Variants in MAZ observed in about 807,000 individuals in gnomAD.
MAZ encodes the protein MYC associated zinc finger protein, also known as myc-associated zinc finger protein.
Under a neutral mutation model 32.7 loss-of-function variants are expected in MAZ, and 4 were observed. That is an observed-to-expected ratio of 0.12 (90% CI 0.06 to 0.28). The LOEUF is 0.28. MAZ is among the 10% of genes least tolerant of loss of function. The probability of loss-of-function intolerance (pLI) is 1.00; values close to 1 mark genes in which losing one functional copy is unlikely to be tolerated. For synonymous variants in MAZ, 510 were observed against 297.6 expected, an observed-to-expected ratio of 1.71 and a Z score of -7.35; for missense variants, 763 against 667.2, an observed-to-expected ratio of 1.14 and a Z score of -1.58.
Position 29,810,123 on chromosome 16 carries a change from A to AGCG in MAZ, c.1329_1331dup (p.Ala448dup), listed in dbSNP as rs1899841433. 6 of 1,603,524 alleles carry AGCG rather than the reference A, an allele frequency of 3.7e-6. No individual in the cohort carries two copies. The highest frequency in any genetic ancestry group is 1.4e-5 in the African/African-American group (1 of 73,766). ...TGGCGGCGGCAGCGGCAGCGGCGGC[A>AGCG]GCGGCAGCAGCGGCAGCAGTAGCAG... On this transcript the variant is annotated inframe_insertion, in exon 5 of 5. Transcript: ENST00000322945.
rs1335663442 is a variant in MAZ, at chr16:29,810,963, C to A, written c.*732C>A. On this transcript the variant is annotated 3_prime_UTR_variant, in exon 5 of 5. Transcript: ENST00000322945. ...AGGGCCTAGAGGTGCTTCCTGGGGG[C>A]GGGGGAATGCAGCCAGTGTCCCCCT... 1 of 417,232 alleles carries A rather than the reference C, an allele frequency of 2.4e-6. No homozygotes were observed. The highest frequency in any genetic ancestry group is 4.8e-6 in the Non-Finnish European group (1 of 206,960). The allele number at this position is 417,232 out of a possible 1,614,324, so 25.8% of individuals were successfully genotyped here.
Position 29,810,716 on chromosome 16 carries a change from G to A in MAZ, c.*485G>A. ...GAGAGGAAGGAGGGGGATCAGAGCT[G>A]TCCCAAAGAGGGAAAGCGGTGAGGT... On this transcript the variant is annotated 3_prime_UTR_variant, in exon 5 of 5. Coordinates refer to ENST00000322945, the MANE Select transcript of MAZ (RefSeq NM_002383.4). The A allele has an allele frequency of 2.3e-6, 1 of 428,450 alleles. No homozygotes were observed. The highest frequency in any genetic ancestry group is 4.3e-6 in the Non-Finnish European group (1 of 230,852). The allele number at this position is 428,450 out of a possible 1,614,324, so 26.5% of individuals were successfully genotyped here. A position where few individuals can be genotyped will look rare whatever the true frequency, so the allele number is the denominator to read the frequency against.
chr16:29,810,334 C>G lies in MAZ; in HGVS notation c.*103C>G, dbSNP rs1268275170. ...CACCAACTCCTATTTCCCTACCAAC[C>G]AAGGAGCCTCCAGAAGGAAAGGAGG... On this transcript the variant is annotated 3_prime_UTR_variant, in exon 5 of 5. Transcript: ENST00000322945. 8.5e-7 allele frequency: 1 copy of G among 1,175,396 alleles called. No individual in the cohort carries two copies. The highest frequency in any genetic ancestry group is 1.2e-6 in the Non-Finnish European group (1 of 811,848). The allele number at this position is 1,175,396 out of a possible 1,614,324, so 72.8% of individuals were successfully genotyped here.
upstream of MAZ, chr16:29,806,139 TCC>T: frequency 1.1e-6 from 1 of 877,764 alleles, no homozygotes; most frequent in Non-Finnish European, 1.5e-6. Flanking sequence ...CCTCCCTCCC[TCC>T]GCCATGGATC....
In MAZ at chr16:29,810,475, G is replaced by C. The variant is rs1475218783; in HGVS notation, c.*244G>C. On this transcript the variant is annotated 3_prime_UTR_variant, in exon 5 of 5. Coordinates refer to ENST00000322945, the MANE Select transcript of MAZ (RefSeq NM_002383.4). ...CCCCTCGGTTGTGTTGAAGTCCCCT[G>C]GACAGTGGGCAGGGGTGGCAGAGGA... 8.5e-6 allele frequency: 6 copies of C among 705,060 alleles called. No individual in the cohort carries two copies. Among genetic ancestry groups the C allele is most frequent in the Non-Finnish European group, 1.3e-5 (5 of 387,534 alleles). 43.7% of individuals were successfully genotyped at this position (705,060 alleles called of 1,614,324 possible). A position where few individuals can be genotyped will look rare whatever the true frequency, so the allele number is the denominator to read the frequency against.
rs746901742 is a variant in MAZ, at chr16:29,807,413, G to A, written c.628G>A (p.Ala210Thr). 3 of 1,612,430 alleles carry A rather than the reference G, an allele frequency of 1.9e-6. No individual in the cohort carries two copies. The highest frequency in any genetic ancestry group is 2.5e-6 in the Non-Finnish European group (3 of 1,179,752). Residue 210 changes from alanine (A) to threonine (T), a missense_variant, in exon 2 of 5, where the codon GCC (alanine) becomes ACC (threonine). Ala to Thr is a moderately conservative substitution (Grantham distance 58, BLOSUM62 0). Coordinates refer to ENST00000322945, the MANE Select transcript of MAZ (RefSeq NM_002383.4). ...KNGYNLRRHEAIHTGAKAGRV... is the reference protein window; with the variant it reads ...KNGYNLRRHETIHTGAKAGRV... ...CGGCTACAATCTCCGGAGGCACGAA[G>A]CCATCCACACGGGAGCCAAGGCCGG...
In MAZ at chr16:29,811,051, A is replaced by G. The variant is rs893792025; in HGVS notation, c.*820A>G. The stretch of plus-strand genomic sequence containing the variant: ...TTTCATCCCTCTTCCCCACGACAGA[A>G]GAAGTTGTGGCCCTGGCCATGTCAT... On this transcript the variant is annotated 3_prime_UTR_variant, in exon 5 of 5. Transcript: ENST00000322945. 6.6e-6 allele frequency: 3 copies of G among 455,180 alleles called. No individual in the cohort carries two copies. Among genetic ancestry groups the G allele is most frequent in the Non-Finnish European group, 1.3e-5 (3 of 226,350 alleles). The allele number at this position is 455,180 out of a possible 1,614,324, so 28.2% of individuals were successfully genotyped here.
At position 29,811,003 on chromosome 16, in the gene MAZ, C is replaced by T. The variant is rs1318883966; in HGVS notation, c.*772C>T. ...AGTGTCCCCCTCCCCTCTTCCACCCCAGCTCCAGCCCTGGTCTTGTCTTTT... is the reference window on the plus strand; with the variant it reads ...AGTGTCCCCCTCCCCTCTTCCACCCTAGCTCCAGCCCTGGTCTTGTCTTTT... On this transcript the variant is annotated 3_prime_UTR_variant, in exon 5 of 5. Coordinates refer to ENST00000322945, the MANE Select transcript of MAZ (RefSeq NM_002383.4). 1.6e-5 allele frequency: 7 copies of T among 449,934 alleles called. No individual in the cohort carries two copies. Among genetic ancestry groups the T allele is most frequent in the Non-Finnish European group, 2.2e-5 (5 of 223,832 alleles). The allele number at this position is 449,934 out of a possible 1,614,324, so 27.9% of individuals were successfully genotyped here.
rs981378159 is a variant in MAZ, at chr16:29,807,176, C to A, written c.391C>A (p.Pro131Thr). 1.8e-6 allele frequency: 2 copies of A among 1,122,952 alleles called. No homozygotes were observed. Among genetic ancestry groups the A allele is most frequent in the African/African-American group, 1.7e-5 (1 of 60,376 alleles). 69.6% of individuals were successfully genotyped at this position (1,122,952 alleles called of 1,614,324 possible). The change falls in exon 2 of 5, where the codon CCG (proline) becomes ACG (threonine). Residue 131 changes from proline (P) to threonine (T), a missense_variant. Coordinates refer to ENST00000322945, the MANE Select transcript of MAZ (RefSeq NM_002383.4). ...GGACACAGCGGCCCTGAAGCAGCCTCCGGCGCCCCCTCCGCCACCCCCGCC... is the reference window on the plus strand; with the variant it reads ...GGACACAGCGGCCCTGAAGCAGCCTACGGCGCCCCCTCCGCCACCCCCGCC... The part of the protein sequence containing the change: ...TVDTAALKQP[P>T]APPPPPPPVS...
At chr16:29,808,854 A>G (rs1309215051) in intron 4 of MAZ, 113 bp downstream of exon 4, 2 of 1,072,434 alleles carry the variant, frequency 1.9e-6, no homozygotes, top group East Asian at 2.6e-5. Flanking sequence ...TGGCGTCTAG[A>G]TTCCTACAAG....
intron 3 of MAZ, 112 bp downstream of exon 3, chr16:29,808,405 C>A: frequency 8.7e-7 from 1 of 1,143,880 alleles, no homozygotes; most frequent in Non-Finnish European, 1.3e-6. Flanking sequence ...TGCCTTTTTG[C>A]TCCATTTTCT....
intron 4 of MAZ, chr16:29,809,646 G>C: frequency 6.3e-7 from 1 of 1,597,376 alleles, no homozygotes; most frequent in Non-Finnish European, 8.5e-7. Context: ...TGCACTGCAA[G>C]ACCCCTGCCC....
intron 4 of MAZ, chr16:29,809,506 G>GGCCCCC: frequency 1.5e-6 from 2 of 1,371,654 alleles, no homozygotes; most frequent in Non-Finnish European, 2.1e-6. Context: ...CCGCCTGGCT[G>GGCCCCC]ACCCCCGCCC....
chr16:29,807,322 C>T lies in MAZ; in HGVS notation c.537C>T (p.Ala179=), dbSNP rs745795093. 8 of 1,607,622 alleles carry T rather than the reference C, an allele frequency of 5.0e-6. No homozygotes were observed. Among genetic ancestry groups the T allele is most frequent in the South Asian group, 4.4e-5 (4 of 90,402 alleles). Residue 179 remains alanine (A), a synonymous_variant, in exon 2 of 5, where the codon GCC becomes GCT. Coordinates refer to ENST00000322945, the MANE Select transcript of MAZ (RefSeq NM_002383.4). ...TCGCCGTGGCCCCGGTCGCGTCTGC[C>T]TTGGAGAAGAAGACAAAGAGCAAGG... ...STVAVAPVAS[A]LEKKTKSKGP... is the part of the protein sequence containing the mutation.
At chr16:29,808,364 T>C (rs1211655971) in intron 3 of MAZ, 71 bp downstream of exon 3, 1 of 1,432,888 alleles carries the variant, frequency 7.0e-7, no homozygotes, top group East Asian at 2.3e-5. Flanking sequence ...TGAGTCAGTC[T>C]CTCAGACCCC....
rs1252779347 is a variant in MAZ, at chr16:29,810,573, C to T, written c.*342C>T. On this transcript the variant is annotated 3_prime_UTR_variant, in exon 5 of 5. Transcript: ENST00000322945. ...CCCTGTCTTCCCAGGGACTTGTGAG[C>T]CTCTTCCCTCGACGGTCCTCTTCTC... 3 of 696,622 alleles carry T rather than the reference C, an allele frequency of 4.3e-6. No homozygotes were observed. Among genetic ancestry groups the T allele is most frequent in the Admixed American group, 2.0e-5 (1 of 49,736 alleles). 43.2% of individuals were successfully genotyped at this position (696,622 alleles called of 1,614,324 possible).
Position 29,806,729 on chromosome 16 carries a change from C to A in MAZ, c.28C>A (p.Leu10Met). The part of the protein sequence containing the change: MFPVFPCTL[L>M]APPFPVLGLD... ...GTTCCCGGTGTTTCCTTGCACGCTG[C>A]TGGCCCCCCCCTTCCCCGTGCTGGG... The change falls in exon 1 of 5, where the codon CTG becomes ATG. Residue 10 changes from leucine to methionine, a missense_variant. Leu to Met is a conservative substitution (Grantham distance 15, BLOSUM62 2). Coordinates refer to ENST00000322945, the MANE Select transcript of MAZ (RefSeq NM_002383.4). 1 of 1,378,592 alleles carries A rather than the reference C, an allele frequency of 7.3e-7. No individual in the cohort carries two copies. Among genetic ancestry groups the A allele is most frequent in the South Asian group, 1.4e-5 (1 of 69,344 alleles). The allele number at this position is 1,378,592 out of a possible 1,614,324, so 85.4% of individuals were successfully genotyped here. A position where few individuals can be genotyped will look rare whatever the true frequency, so the allele number is the denominator to read the frequency against.
rs372208027 is a variant in MAZ at position 29,810,123 on chromosome 16, A to G, written c.1326A>G (p.Ala442=). Residue 442 remains alanine (A), a synonymous_variant, in exon 5 of 5, where the codon GCA becomes GCG. Coordinates refer to ENST00000322945, the MANE Select transcript of MAZ (RefSeq NM_002383.4). ...CPMAAAAAAA[A]AAAAAAVAAP... Reference sequence around the variant, plus strand: ...TGGCGGCGGCAGCGGCAGCGGCGGCAGCGGCAGCAGCGGCAGCAGTAGCAG... The same window carrying G: ...TGGCGGCGGCAGCGGCAGCGGCGGCGGCGGCAGCAGCGGCAGCAGTAGCAG... 19 of 1,603,526 alleles carry G rather than the reference A, an allele frequency of 1.2e-5. No individual in the cohort carries two copies. Among genetic ancestry groups the G allele is most frequent in the South Asian group, 5.5e-5 (5 of 90,718 alleles).
chr16:29,808,504 C>T (rs2142401663), intron 3 of MAZ, 66 bp from the exon 4 acceptor site: 3 of 1,086,746 alleles, frequency 2.8e-6, no homozygotes, highest in Non-Finnish European at 1.4e-6. Flanking sequence ...CTCTTGCTCC[C>T]CCCTCCCCAG....
Sources: allele counts gnomAD v4.1 joint callset, GRCh38; gene constraint gnomAD v4.1.1; transcripts MANE v1.5; gene names NCBI Gene and HGNC (gene_info 2026-07-23, HGNC 2026-07-21).